The following ABLIM1 variants were observed in gnomAD, a reference collection of about 807,000 sequenced individuals.
The protein encoded by ABLIM1 is actin-binding LIM protein 1.
Under a neutral mutation model 107.0 loss-of-function variants are expected in ABLIM1, and 40 were observed. The observed-to-expected ratio is 0.37, with a 90% CI of 0.29 to 0.49. ABLIM1 has a LOEUF of 0.49. Ranked by LOEUF, ABLIM1 falls within the 20% of genes least tolerant of loss-of-function variation. The pLI is 0.97. For synonymous variants in ABLIM1, 357 were observed against 357.3 expected (o/e 1.00, Z 0.01); for missense variants, 857 against 1,008.5 (o/e 0.85, Z 2.04).
intron 17 of ABLIM1, 30 bp from the exon 18 acceptor site, chr10:114,441,816 G>T (rs765160424): frequency 2.5e-6 from 4 of 1,588,296 alleles, no homozygotes; most frequent in Non-Finnish European, 3.5e-6. Flanking sequence ...AAAACCAATT[G>T]TTAGGAAATC....
At chr10:114,675,030 G>T (rs1043560888) in intron 1 of ABLIM1, among the ~76,000 whole-genome samples, 1 of 152,014 alleles carries the variant, frequency 6.6e-6, no homozygotes, top group Non-Finnish European at 1.5e-5. Flanking sequence ...CTGTATCAGC[G>T]TGGTTATAAC....
intron 1 of ABLIM1, among the ~76,000 whole-genome samples, chr10:114,726,595 A>G (rs2081964524): frequency 6.6e-6 from 1 of 152,194 alleles, no homozygotes; most frequent in Admixed American, 6.5e-5. Flanking sequence ...AGCCTGACCA[A>G]CATGGTGAAA....
chr10:114,744,978 C>T (rs1174376110), intron 1 of ABLIM1, among the ~76,000 whole-genome samples: 1 of 152,124 alleles, frequency 6.6e-6, no homozygotes, highest in Admixed American at 6.5e-5. Flanking sequence ...AAAACCTGTT[C>T]TCTCAATTGC....
intron 6 of ABLIM1, among the ~76,000 whole-genome samples, chr10:114,496,271 CATT>C (rs2135363412): frequency 6.6e-6 from 1 of 152,286 alleles, no homozygotes; most frequent in East Asian, 1.9e-4. Context: ...CTCTATAAAT[CATT>C]AGTAAAAACA....
At chr10:114,441,660 T>C in intron 18 of ABLIM1, 62 bp downstream of exon 18, 1 of 1,486,580 alleles carries the variant, frequency 6.7e-7, no homozygotes, top group Non-Finnish European at 9.4e-7. Flanking sequence ...AATGTGTCAA[T>C]ACTTCAACCA....
chr10:114,579,666 T>A (rs778566060), intron 2 of ABLIM1, among the ~76,000 whole-genome samples: 1 of 152,214 alleles, frequency 6.6e-6, no homozygotes, highest in Middle Eastern at 3.2e-3. Context: ...ATTCACATTG[T>A]TGTGCAACCA....
intron 2 of ABLIM1, among the ~76,000 whole-genome samples, chr10:114,586,371 T>C (rs1364096723): frequency 1.3e-5 from 2 of 152,118 alleles, no homozygotes; most frequent in Non-Finnish European, 2.9e-5. Context: ...AAGTGCACCA[T>C]GGTTTAAGGT....
intron 11 of ABLIM1, among the ~76,000 whole-genome samples, chr10:114,467,077 A>G (rs536120735): frequency 1.3e-5 from 2 of 152,224 alleles, no homozygotes; most frequent in African/African-American, 4.8e-5. Flanking sequence ...GAGAATCACT[A>G]GAACCCAGGA....
chr10:114,796,316 C>T, the ABLIM1 span, among the ~76,000 whole-genome samples: 1 of 152,198 alleles, frequency 6.6e-6, no homozygotes, highest in Non-Finnish European at 1.5e-5. Flanking sequence ...GCTGGAACTG[C>T]TGTCATCTGA....
chr10:114,702,258 G>GA (rs2081321007), intron 1 of ABLIM1, among the ~76,000 whole-genome samples: 1 of 152,038 alleles, frequency 6.6e-6, no homozygotes, highest in Admixed American at 6.5e-5. Context: ...TGCTAATAAC[G>GA]AAAAAGACAA....
chr10:114,609,472 T>G (rs1425827282), intron 1 of ABLIM1, among the ~76,000 whole-genome samples: 1 of 152,248 alleles, frequency 6.6e-6, no homozygotes, highest in Non-Finnish European at 1.5e-5. Flanking sequence ...GCACTGAATA[T>G]CTGTACCATC....
chr10:114,516,577 A>G (rs536280265), intron 6 of ABLIM1, among the ~76,000 whole-genome samples: 1 of 152,354 alleles, frequency 6.6e-6, no homozygotes, highest in East Asian at 1.9e-4. Context: ...CCTGTGCAAC[A>G]CAAAAAACAG....
chr10:114,735,554 C>G (rs2082162031), intron 1 of ABLIM1, among the ~76,000 whole-genome samples: 2 of 152,190 alleles, frequency 1.3e-5, no homozygotes, highest in Admixed American at 1.3e-4. Context: ...ACTGCAACCT[C>G]TGCCTCCCAG....
intron 12 of ABLIM1, among the ~76,000 whole-genome samples, chr10:114,455,962 G>A (rs1031467681): frequency 1.7e-4 from 26 of 152,094 alleles, no homozygotes; most frequent in Non-Finnish European, 3.7e-4. Flanking sequence ...ACAGGCGCCC[G>A]CCACCGCGCC....
intron 1 of ABLIM1, among the ~76,000 whole-genome samples, chr10:114,656,218 C>T (rs754989606): frequency 4.3e-5 from 6 of 139,564 alleles, no homozygotes; most frequent in Non-Finnish European, 9.0e-5. Context: ...TGCAGTGAGC[C>T]GAGATCACGC....
intron 1 of ABLIM1, among the ~76,000 whole-genome samples, chr10:114,727,381 A>G (rs2081982359): frequency 6.6e-6 from 1 of 152,242 alleles, no homozygotes; most frequent in Non-Finnish European, 1.5e-5. Context: ...GCAAAAAAGT[A>G]TTTCTCAGTC....
At chr10:114,533,331 ACT>A (rs2065645230) in intron 6 of ABLIM1, among the ~76,000 whole-genome samples, 2 of 152,032 alleles carry the variant, frequency 1.3e-5, no homozygotes, top group African/African-American at 4.8e-5. Flanking sequence ...ATGGAGGGAG[ACT>A]CTGTCTCAAA....
At chr10:114,698,816 C>A (rs1197026081) in intron 1 of ABLIM1, among the ~76,000 whole-genome samples, 2 of 151,952 alleles carry the variant, frequency 1.3e-5, no homozygotes, top group Admixed American at 6.6e-5. Context: ...CTCTTATGCA[C>A]CCTTACTGAA....
chr10:114,566,682 G>A (rs945535031), intron 4 of ABLIM1, among the ~76,000 whole-genome samples: 4 of 152,146 alleles, frequency 2.6e-5, no homozygotes, highest in African/African-American at 9.7e-5. Context: ...GCATTAGACT[G>A]GATGCAGCAA....
Sources: allele counts gnomAD v4.1 joint callset (sites outside exome capture counted in the v4.1 genomes callset), GRCh38; gene constraint gnomAD v4.1.1; transcripts MANE v1.5; gene names NCBI Gene and HGNC (gene_info 2026-07-23, HGNC 2026-07-21).